The following TBC1D14 variants were observed in gnomAD, a reference collection of about 807,000 sequenced individuals.
The protein encoded by TBC1D14 is TBC1 domain family member 14.
Under a neutral mutation model 79.0 loss-of-function variants are expected in TBC1D14, and 26 were observed. That is an observed-to-expected ratio of 0.33 (90% CI 0.24 to 0.46). The LOEUF (loss-of-function observed/expected upper bound fraction) is 0.46. Ranked by LOEUF, TBC1D14 falls within the 20% of genes least tolerant of loss-of-function variation. TBC1D14 has a pLI of 1.00. For missense variants in TBC1D14, 769 were observed against 887.6 expected (o/e 0.87, Z 1.70); for synonymous variants, 394 against 349.9 (o/e 1.13, Z -1.40).
At chr4:7,006,431 G>A (rs1351967001) in intron 8 of TBC1D14, among the ~76,000 whole-genome samples, 1 of 152,194 alleles carries the variant, frequency 6.6e-6, no homozygotes, top group Non-Finnish European at 1.5e-5. Flanking sequence ...ATTAGCTGGT[G>A]CCATAAGATA....
chr4:7,007,866 G>A (rs900219063), intron 9 of TBC1D14, among the ~76,000 whole-genome samples: 196 of 152,254 alleles, frequency 1.3e-3, no homozygotes, highest in African/African-American at 4.6e-3. Flanking sequence ...CAGCCCAAAA[G>A]GCCCTTCCCC....
intron 2 of TBC1D14, among the ~76,000 whole-genome samples, chr4:6,939,356 G>T (rs1400210414): frequency 6.7e-6 from 1 of 150,364 alleles, no homozygotes; most frequent in African/African-American, 2.5e-5. Context: ...CCTTTGCTGT[G>T]TGTCGACTCC....
chr4:7,008,630 C>T (rs1468762218), intron 9 of TBC1D14, among the ~76,000 whole-genome samples: 3 of 152,200 alleles, frequency 2.0e-5, no homozygotes, highest in Non-Finnish European at 4.4e-5. Flanking sequence ...CCAGGCTGGT[C>T]TCGAACTCCT....
chr4:6,956,465 C>T (rs1179008652), intron 2 of TBC1D14, among the ~76,000 whole-genome samples: 1 of 152,154 alleles, frequency 6.6e-6, no homozygotes, highest in East Asian at 1.9e-4. Context: ...AACACGCCAT[C>T]CCCGCTGATG....
At chr4:7,024,591 G>T (rs944390618) in intron 12 of TBC1D14, among the ~76,000 whole-genome samples, 1 of 152,210 alleles carries the variant, frequency 6.6e-6, no homozygotes, top group African/African-American at 2.4e-5. Flanking sequence ...ATGCTCCCAG[G>T]GCGGGGGGAA....
At chr4:7,016,969 C>G (rs1344964607) in intron 12 of TBC1D14, among the ~76,000 whole-genome samples, 1 of 152,182 alleles carries the variant, frequency 6.6e-6, no homozygotes, top group East Asian at 1.9e-4. Context: ...AACAACCTCT[C>G]CAAGCCCAGT....
intron 7 of TBC1D14, among the ~76,000 whole-genome samples, chr4:7,003,870 G>A (rs1719916070): frequency 6.6e-6 from 1 of 152,152 alleles, no homozygotes; most frequent in African/African-American, 2.4e-5. Context: ...CAGGTGCGGT[G>A]GCGTGCACCT....
chr4:6,947,790 C>G (rs1229717048), intron 2 of TBC1D14, among the ~76,000 whole-genome samples: 5 of 152,010 alleles, frequency 3.3e-5, no homozygotes, highest in African/African-American at 9.7e-5. Context: ...AGGGAGAACA[C>G]TAGATCTTGC....
At chr4:6,919,201 C>T (rs1354391693) in intron 1 of TBC1D14, among the ~76,000 whole-genome samples, 2 of 151,648 alleles carry the variant, frequency 1.3e-5, no homozygotes, top group African/African-American at 4.9e-5. Context: ...GGCTGGAGTG[C>T]AGTGGCATCA....
chr4:6,910,775 C>T (rs141520309), intron 1 of TBC1D14, among the ~76,000 whole-genome samples: 362 of 152,308 alleles, frequency 2.4e-3, no homozygotes, highest in African/African-American at 8.2e-3. Context: ...GAAGTCGTTT[C>T]TGTCCTAAAG....
intron 2 of TBC1D14, among the ~76,000 whole-genome samples, chr4:6,940,523 T>C (rs1243357992): frequency 6.6e-6 from 1 of 151,880 alleles, no homozygotes; most frequent in Non-Finnish European, 1.5e-5. Context: ...CTGCCTGGAG[T>C]CAGCCTTGCT....
At chr4:6,912,216 C>G (rs1467434497) in intron 1 of TBC1D14, among the ~76,000 whole-genome samples, 1 of 151,918 alleles carries the variant, frequency 6.6e-6, no homozygotes, top group African/African-American at 2.4e-5. Context: ...TGGTGAAACC[C>G]TGTCTATACT....
At position 7,031,714 on chromosome 4, in the gene TBC1D14, A is replaced by T. The variant is rs1435249055; in HGVS notation, c.*1322A>T. The T allele has an allele frequency of 6.6e-6, 1 of 152,234 alleles. No individual in the cohort carries two copies. Among genetic ancestry groups the T allele is most frequent in the Non-Finnish European group, 1.5e-5 (1 of 68,076 alleles). 9.4% of individuals were successfully genotyped at this position (152,234 alleles called of 1,614,324 possible). A position where few individuals can be genotyped will look rare whatever the true frequency, so the allele number is the denominator to read the frequency against. ...TGGGGAGCATTCTGCGGACCCGGTC[A>T]CGGGCTTGGTTAGTCATGCGTACAT... On this transcript the variant is annotated 3_prime_UTR_variant, in exon 14 of 14. Coordinates refer to ENST00000409757, the MANE Select transcript of TBC1D14 (RefSeq NM_020773.3).
intron 2 of TBC1D14, among the ~76,000 whole-genome samples, chr4:6,965,821 A>T (rs981348056): frequency 2.0e-5 from 3 of 152,178 alleles, no homozygotes; most frequent in African/African-American, 7.2e-5. Context: ...CTCGCTGGTG[A>T]TGTTAGCTTT....
At chr4:7,020,835 G>GAATTA (rs959677188) in intron 12 of TBC1D14, among the ~76,000 whole-genome samples, 1 of 152,142 alleles carries the variant, frequency 6.6e-6, no homozygotes, top group Non-Finnish European at 1.5e-5. Context: ...CAAGTAGGTG[G>GAATTA]AATTACAGGC....
chr4:6,990,558 G>A (rs984781874), intron 3 of TBC1D14, among the ~76,000 whole-genome samples: 1 of 152,134 alleles, frequency 6.6e-6, no homozygotes, highest in African/African-American at 2.4e-5. Context: ...ACAGCAAGAC[G>A]GGCATCGATG....
Position 7,025,240 on chromosome 4 carries a change from G to A in TBC1D14, c.1994G>A (p.Ser665Asn). Residue 665 changes from serine to asparagine, a missense_variant, in exon 13 of 14, where the codon AGC becomes AAC. Ser to Asn is a conservative substitution (Grantham distance 46). Transcript: ENST00000409757. ...FASIATIQMQ[S>N]RNKKWAQVLT... The stretch of plus-strand genomic sequence containing the variant: ...TCCATCGCCACGATCCAGATGCAGA[G>A]CCGAAACAAGAAGTGGGCTCAGGTC... 1 of 1,614,256 alleles carries A rather than the reference G, an allele frequency of 6.2e-7. No individual in the cohort carries two copies. The highest frequency in any genetic ancestry group is 8.5e-7 in the Non-Finnish European group (1 of 1,180,052).
intron 3 of TBC1D14, 79 bp downstream of exon 3, chr4:6,967,503 T>C (rs1715810078): frequency 6.5e-7 from 1 of 1,536,946 alleles, no homozygotes. Context: ...AAAATGACCA[T>C]ATTGAGTCTG....
intron 2 of TBC1D14, among the ~76,000 whole-genome samples, chr4:6,941,777 C>T (rs562814423): frequency 5.9e-5 from 9 of 152,308 alleles, no homozygotes; most frequent in East Asian, 3.9e-4. Flanking sequence ...GCTCCAGATA[C>T]GTCAGACCTC....
Sources: gnomAD v4.1 joint callset for allele counts (sites outside exome capture counted in the v4.1 genomes callset) on GRCh38, gnomAD v4.1.1 for gene constraint, MANE v1.5 for transcripts, NCBI Gene and HGNC (gene_info 2026-07-23, HGNC 2026-07-21) for gene names.